LRRK1: variants seen among roughly 807,000 people sequenced by gnomAD.
The protein encoded by LRRK1 is leucine-rich repeat serine/threonine-protein kinase 1.
LRRK1 carries 113 observed loss-of-function variants against 209.1 expected under a neutral mutation model. That is an observed-to-expected ratio of 0.54 (90% confidence interval 0.46 to 0.63). LRRK1 has a LOEUF of 0.63. LRRK1 is among the 30% of genes least tolerant of loss of function. LRRK1 has a pLI of 0.00. For synonymous variants in LRRK1, 1,144 were observed against 1,099.7 expected, an observed-to-expected ratio of 1.04 and a Z score of -0.80; for missense variants, 2,284 against 2,632.2, an observed-to-expected ratio of 0.87 and a Z score of 2.89.
At chr15:101,059,067 C>T (rs1307969603) in intron 29 of LRRK1, among the ~76,000 whole-genome samples, 1 of 152,168 alleles carries the variant, frequency 6.6e-6, no homozygotes, top group African/African-American at 2.4e-5. Flanking sequence ...GGTTGTGACA[C>T]AGACGTACTC....
chr15:101,053,557 C>T (rs935245764), intron 26 of LRRK1, 137 bp downstream of exon 26: 2 of 757,890 alleles, frequency 2.6e-6, no homozygotes, highest in African/African-American at 3.5e-5. Flanking sequence ...TGTGACCATC[C>T]CCTGGCTGCG....
In LRRK1 at chr15:100,988,754, T is replaced by G. The variant is rs1404204859; in HGVS notation, c.554T>G (p.Val185Gly). The G allele has an allele frequency of 6.2e-7, 1 of 1,613,586 alleles. No homozygotes were observed. Among genetic ancestry groups the G allele is most frequent in the South Asian group, 1.1e-5 (1 of 91,058 alleles). ...THGADPESYAVRKNEFPVIVR... is the reference protein window; with the variant it reads ...THGADPESYAGRKNEFPVIVR... ...GGGGCTGACCCGGAGAGCTACGCTG[T>G]CAGGAAGAATGAGTTCCCTGTCATC... Residue 185 changes from valine (V) to glycine (G), a missense_variant, in exon 5 of 34, where the codon GTC becomes GGC. Coordinates refer to ENST00000388948, the MANE Select transcript of LRRK1 (RefSeq NM_024652.6).
chr15:100,952,641 C>T (rs1442676271), intron 2 of LRRK1, among the ~76,000 whole-genome samples: 1 of 152,030 alleles, frequency 6.6e-6, no homozygotes, highest in African/African-American at 2.4e-5. Context: ...CTGCCCTGGC[C>T]CACTCTTTCC....
Position 101,022,146 on chromosome 15 carries a change from C to T in LRRK1, c.1852+189C>T, listed in dbSNP as rs1275975713. Among the ~76,000 whole-genome samples, 1 of 152,150 alleles carries T rather than the reference C, an allele frequency of 6.6e-6. No individual in the cohort carries two copies. Among genetic ancestry groups the T allele is most frequent in the Non-Finnish European group, 1.5e-5 (1 of 68,030 alleles). ...TGAGGGTCACTATACTGAGAAGGACCAGGTGATACAACTGTGACCTCCTGG... is the reference window on the plus strand; with the variant it reads ...TGAGGGTCACTATACTGAGAAGGACTAGGTGATACAACTGTGACCTCCTGG... On this transcript the variant is annotated intron_variant, in intron 14 of 33. Transcript: ENST00000388948. This position sits in a 1 kb window ranked among gnomAD's most constrained non-coding sequence, Gnocchi z 4.0.
At chr15:101,021,822 G>T in intron 13 of LRRK1, 23 bp from the exon 14 acceptor site, 2 of 1,400,186 alleles carry the variant, frequency 1.4e-6, no homozygotes, top group East Asian at 2.3e-5. Context: ...GTATTCTCTC[G>T]TGGTGGACAC....
chr15:100,924,459 A>C, intron 1 of LRRK1, 52 bp from the exon 2 acceptor site: 1 of 596,208 alleles, frequency 1.7e-6, no homozygotes, highest in East Asian at 2.8e-5. Flanking sequence ...TTTGCAGGGG[A>C]GGAGGACAGG....
At chr15:100,987,480 A>C (rs1485533276) in intron 4 of LRRK1, among the ~76,000 whole-genome samples, 1 of 152,136 alleles carries the variant, frequency 6.6e-6, no homozygotes, top group Non-Finnish European at 1.5e-5. Flanking sequence ...TTCATCCTGG[A>C]ATTAAGTAGG....
intron 2 of LRRK1, among the ~76,000 whole-genome samples, chr15:100,972,183 G>T (rs978043275): frequency 9.9e-5 from 15 of 151,722 alleles, no homozygotes; most frequent in African/African-American, 3.4e-4. Flanking sequence ...GGCTGGTCTC[G>T]AACTCCTGAC....
In LRRK1 at chr15:101,036,951, TG is replaced by T. The variant is rs2034515633; in HGVS notation, c.2963+7722del. On this transcript the variant is annotated intron_variant, in intron 20 of 33. Coordinates refer to ENST00000388948, the MANE Select transcript of LRRK1 (RefSeq NM_024652.6). ...AGTGGAGCTTGTGGGGAAGTTTTGCTGGGAACAGGGATGCCAGGTGGGCCAG... is the reference window on the plus strand; with the variant it reads ...AGTGGAGCTTGTGGGGAAGTTTTGCTGGAACAGGGATGCCAGGTGGGCCAG... Among the ~76,000 whole-genome samples the T allele has an allele frequency of 2.6e-5, 4 of 152,206 alleles. No homozygotes were observed. In the South Asian group the frequency reaches 8.3e-4, roughly 32 times the overall value.
rs199664807 is a variant in LRRK1, at chr15:101,068,770, C to T, written c.5970C>T (p.Gly1990=). 47 of 1,613,636 alleles carry T rather than the reference C, an allele frequency of 2.9e-5. 1 individual carries two copies. In the East Asian group the frequency reaches 3.1e-4, roughly 11 times the overall value. Residue 1990 remains glycine, a synonymous_variant, in exon 34 of 34, where the codon GGC becomes GGT. Transcript: ENST00000388948. ...GCCTGGCCGTCTGGAGGGGCTGGGG[C>T]GCCAGGGAGTTCGACATTTTCTACC... ...EWCLAVWRGW[G]AREFDIFYQS...
In LRRK1 at chr15:101,068,855, T is replaced by A. The variant is rs1221490975; in HGVS notation, c.*7T>A. On this transcript the variant is annotated 3_prime_UTR_variant, in exon 34 of 34. Coordinates refer to ENST00000388948, the MANE Select transcript of LRRK1 (RefSeq NM_024652.6). ...CACTCGCAAGAGAAGGTAATTCCTG[T>A]GGAATGACTGTCACACATCAGAGCT... is the stretch of plus-strand genomic sequence containing the variant. The A allele has an allele frequency of 1.3e-6, 2 of 1,585,976 alleles. No individual in the cohort carries two copies. Among genetic ancestry groups the A allele is most frequent in the East Asian group, 4.5e-5 (2 of 44,476 alleles).
chr15:100,971,141 C>G (rs1427253895), intron 2 of LRRK1, among the ~76,000 whole-genome samples: 1 of 152,068 alleles, frequency 6.6e-6, no homozygotes, highest in East Asian at 1.9e-4. Flanking sequence ...TGAGACCAGC[C>G]TGGCCAACAT....
At chr15:101,004,366 G>A (rs2032844996) in intron 6 of LRRK1, among the ~76,000 whole-genome samples, 1 of 152,174 alleles carries the variant, frequency 6.6e-6, no homozygotes, top group Non-Finnish European at 1.5e-5. Context: ...GAAAGGTCTT[G>A]CGCAGACTTT....
chr15:100,952,566 A>C (rs2042675664), intron 2 of LRRK1, among the ~76,000 whole-genome samples: 1 of 152,200 alleles, frequency 6.6e-6, no homozygotes, highest in South Asian at 2.1e-4. Context: ...GTGGCTATCC[A>C]GTTGGACAAA....
intron 10 of LRRK1, among the ~76,000 whole-genome samples, chr15:101,013,864 C>T (rs555610460): frequency 6.6e-6 from 1 of 152,168 alleles, no homozygotes; most frequent in Non-Finnish European, 1.5e-5. Flanking sequence ...CACCCCGTCC[C>T]CAGACCTGGG....
chr15:100,963,669 G>T (rs1383194458), intron 2 of LRRK1, among the ~76,000 whole-genome samples: 1 of 152,198 alleles, frequency 6.6e-6, no homozygotes, highest in Non-Finnish European at 1.5e-5. Flanking sequence ...TGTCATTTCT[G>T]TAGGGAAATG....
rs2035470096 is a variant in LRRK1 at position 101,051,880 on chromosome 15, C to G, written c.3609C>G (p.Ile1203Met). ...CVLTAIERDF[I>M]SCPRHPDLPV... Reference sequence around the variant, plus strand: ...TGACGGCCATCGAGCGGGACTTCATCTCCTGCCCCAGACACCCGGACCTCC... The same window carrying G: ...TGACGGCCATCGAGCGGGACTTCATGTCCTGCCCCAGACACCCGGACCTCC... Residue 1203 changes from isoleucine to methionine, a missense_variant, in exon 24 of 34, where the codon ATC becomes ATG. By Grantham distance (10) the Ile-to-Met change is conservative. Around this residue, in one of 6 missense-constraint regions of LRRK1, gnomAD observed 780 missense variants for 985.2 expected, o/e 0.79. Transcript: ENST00000388948. The G allele has an allele frequency of 6.2e-7, 1 of 1,613,968 alleles. No homozygotes were observed. The highest frequency in any genetic ancestry group is 8.5e-7 in the Non-Finnish European group (1 of 1,180,030).
At chr15:100,941,452 G>GCGTCTGTGTCTCTGTGTGTGTC in intron 2 of LRRK1, among the ~76,000 whole-genome samples, 2 of 118,336 alleles carry the variant, frequency 1.7e-5, no homozygotes, top group Non-Finnish European at 3.4e-5. Context: ...GTGTCTGTGT[G>GCGTCTGTGTCTCTGTGTGTGTC]TGTCTATGTC....
At chr15:100,953,841 C>T (rs1460966426) in intron 2 of LRRK1, among the ~76,000 whole-genome samples, 1 of 152,044 alleles carries the variant, frequency 6.6e-6, no homozygotes, top group Admixed American at 6.6e-5. Flanking sequence ...ATGTGTTATC[C>T]TTGTCTTTTT....
Sources: gnomAD v4.1 joint callset for allele counts (sites outside exome capture counted in the v4.1 genomes callset) on GRCh38, gnomAD v4.1.1 for gene constraint, gnomAD v4.1.1 regional missense constraint, Gnocchi (gnomAD v3.1) non-coding constraint, MANE v1.5 for transcripts, NCBI Gene and HGNC (gene_info 2026-07-23, HGNC 2026-07-21) for gene names.